The following RRAS2 variants were observed in gnomAD, a reference collection of about 807,000 sequenced individuals.
RRAS2 encodes RAS related 2, also known as ras-related protein R-Ras2.
A neutral mutation model predicts 27.6 loss-of-function variants in RRAS2; 7 were observed. The observed-to-expected ratio is 0.25, with a 90% CI of 0.14 to 0.48. The LOEUF (loss-of-function observed/expected upper bound fraction) is 0.48. RRAS2 is among the 20% of genes least tolerant of loss of function. RRAS2 has a pLI of 0.99. For synonymous variants in RRAS2, 86 were observed against 90.9 expected (o/e 0.95, Z 0.31); for missense variants, 178 against 256.2 (o/e 0.69, Z 2.08).
chr11:14,318,936 A>G (rs1158916387), intron 1 of RRAS2, among the ~76,000 whole-genome samples: 2 of 152,220 alleles, frequency 1.3e-5, no homozygotes, highest in Admixed American at 6.5e-5. Flanking sequence ...TCAGGCACTA[A>G]GTGCTTTACC....
intron 1 of RRAS2, among the ~76,000 whole-genome samples, chr11:14,314,988 C>T (rs1848064271): frequency 6.6e-6 from 1 of 152,158 alleles, no homozygotes; most frequent in Non-Finnish European, 1.5e-5. Flanking sequence ...CAGCCAAATG[C>T]AAGCACATGT....
At chr11:14,319,155 G>GTAT (rs1848172607) in intron 1 of RRAS2, among the ~76,000 whole-genome samples, 1 of 152,078 alleles carries the variant, frequency 6.6e-6, no homozygotes, top group East Asian at 1.9e-4. Flanking sequence ...AAAAATAAAT[G>GTAT]TATTGCCCCT....
rs577761859 is a variant in RRAS2, at chr11:14,343,782, C to A, written c.108+14981G>T. Among the ~76,000 whole-genome samples, 192 of 151,768 alleles carry A rather than the reference C, an allele frequency of 1.3e-3. 1 individual carries two copies. The highest frequency in any genetic ancestry group is 4.4e-3 in the African/African-American group (183 of 41,356). On this transcript the variant is annotated intron_variant, in intron 1 of 5. Transcript: ENST00000256196. ...CCGGCAGAAGGAGGTAGCAGTGAGC[C>A]GAGATCGCGCCAATGCACTCCAGCC...
intron 1 of RRAS2, among the ~76,000 whole-genome samples, chr11:14,355,937 A>G (rs1849064204): frequency 6.6e-6 from 1 of 152,202 alleles, no homozygotes; most frequent in Admixed American, 6.5e-5. Context: ...ATTAAGTGTA[A>G]ATATAAAAAA....
rs1010106364 is a variant in RRAS2, at chr11:14,324,504, T to C, written c.109-28649A>G. Among the ~76,000 whole-genome samples, 3 of 152,060 alleles carry C rather than the reference T, an allele frequency of 2.0e-5. No homozygotes were observed. The South Asian group carries it at 6.2e-4, about 32-fold the overall frequency. ...ATGGATAGAATTGTCAAGGTATCAG[T>C]GCTCCCTTAACTGACCCAATTTAAA... On this transcript the variant is annotated intron_variant, in intron 1 of 5. Transcript: ENST00000256196.
intron 1 of RRAS2, among the ~76,000 whole-genome samples, chr11:14,300,500 A>G (rs1008601907): frequency 6.6e-6 from 1 of 152,062 alleles, no homozygotes; most frequent in Non-Finnish European, 1.5e-5. Context: ...GGATTGCTTG[A>G]GCCCAGAAAG....
rs886716873 is a variant in RRAS2, at chr11:14,352,801, A to C, written c.108+5962T>G. On this transcript the variant is annotated intron_variant, in intron 1 of 5. Coordinates refer to ENST00000256196, the MANE Select transcript of RRAS2 (RefSeq NM_012250.6). ...GAGAGGGAGAGAGAGAGAGAGAGAC[A>C]TTTTTTTTTTTTGAGATATAGTCTT... Among the ~76,000 whole-genome samples, 12 of 143,404 alleles carry C rather than the reference A, an allele frequency of 8.4e-5. No individual in the cohort carries two copies. In the Admixed American group the frequency reaches 8.4e-4, roughly 10 times the overall value. The allele number at this position is 143,404 out of a possible 152,430, so 94.1% of individuals were successfully genotyped here.
intron 1 of RRAS2, among the ~76,000 whole-genome samples, chr11:14,334,265 C>T (rs934563646): frequency 3.9e-5 from 6 of 151,968 alleles, no homozygotes; most frequent in South Asian, 2.1e-4. Flanking sequence ...ATTTAAAAAT[C>T]GTTTATTGTT....
At chr11:14,333,693 G>A (rs1426624208) in intron 1 of RRAS2, among the ~76,000 whole-genome samples, 1 of 145,836 alleles carries the variant, frequency 6.9e-6, no homozygotes, top group African/African-American at 2.5e-5. Context: ...CCAGGCTGGA[G>A]TGCAGTGGCA....
At chr11:14,314,241 T>C (rs1055706085) in intron 1 of RRAS2, among the ~76,000 whole-genome samples, 1 of 152,250 alleles carries the variant, frequency 6.6e-6, no homozygotes, top group Non-Finnish European at 1.5e-5. Context: ...TGAGAGTCTA[T>C]GATGGAAATT....
chr11:14,305,869 C>T (rs553770361), intron 1 of RRAS2, among the ~76,000 whole-genome samples: 38 of 152,150 alleles, frequency 2.5e-4, no homozygotes, highest in African/African-American at 8.2e-4. Flanking sequence ...CACAGTGAGA[C>T]CCCCATCTCT....
chr11:14,337,691 T>G (rs1043446237), intron 1 of RRAS2, among the ~76,000 whole-genome samples: 5 of 152,172 alleles, frequency 3.3e-5, no homozygotes, highest in African/African-American at 1.2e-4. Context: ...AAACAGGATA[T>G]GTAGGGTTCA....
chr11:14,363,078 C>T (rs1179458398), upstream of RRAS2, among the ~76,000 whole-genome samples: 2 of 152,210 alleles, frequency 1.3e-5, no homozygotes, highest in Non-Finnish European at 2.9e-5. Context: ...GTATTTCTAA[C>T]TCTTCTTGGA....
At chr11:14,348,598 T>C (rs960966095) in intron 1 of RRAS2, among the ~76,000 whole-genome samples, 13 of 152,224 alleles carry the variant, frequency 8.5e-5, no homozygotes, top group Non-Finnish European at 1.5e-5. Context: ...ACTGCCTTAT[T>C]TATTTCAATG....
At chr11:14,323,321 A>G (rs1848269092) in intron 1 of RRAS2, among the ~76,000 whole-genome samples, 1 of 152,054 alleles carries the variant, frequency 6.6e-6, no homozygotes, top group Non-Finnish European at 1.5e-5. Context: ...GGCCAAGCAT[A>G]GCGGCATGCG....
At chr11:14,334,919 C>T (rs1283442085) in intron 1 of RRAS2, among the ~76,000 whole-genome samples, 3 of 152,146 alleles carry the variant, frequency 2.0e-5, no homozygotes, top group Non-Finnish European at 4.4e-5. Context: ...CCAACCTCTG[C>T]TCTTACCTTC....
intron 1 of RRAS2, among the ~76,000 whole-genome samples, chr11:14,333,481 GAAAAA>G (rs782378210): frequency 2.0e-5 from 3 of 151,642 alleles, no homozygotes; most frequent in African/African-American, 7.3e-5. Context: ...ACACAGAAAA[GAAAAA>G]AACAAAAATA....
At position 14,358,663 on chromosome 11, in the gene RRAS2, G is replaced by A. The variant is rs1461707644; in HGVS notation, c.108+100C>T. Reference sequence around the variant, plus strand: ...CCCTGGCCCCGGCCCGGGCCCGCGAGGCGCCTCTGGGGCGAGGTCGCGGCG... The same window carrying A: ...CCCTGGCCCCGGCCCGGGCCCGCGAAGCGCCTCTGGGGCGAGGTCGCGGCG... On this transcript the variant is annotated intron_variant, in intron 1 of 5. Transcript: ENST00000256196. This position sits in a 1 kb window ranked among gnomAD's most constrained non-coding sequence, Gnocchi z 5.1. The A allele has an allele frequency of 4.0e-6, 4 of 989,998 alleles. No individual in the cohort carries two copies. The African/African-American group carries it at 7.0e-5, about 17-fold the overall frequency. The allele number at this position is 989,998 out of a possible 1,614,324, so 61.3% of individuals were successfully genotyped here.
At chr11:14,316,039 G>A (rs1047907428) in intron 1 of RRAS2, among the ~76,000 whole-genome samples, 2 of 151,368 alleles carry the variant, frequency 1.3e-5, no homozygotes, top group African/African-American at 4.9e-5. Context: ...CAAAAAAAAC[G>A]TAGTTCAGAA....
Sources: allele counts gnomAD v4.1 joint callset (sites outside exome capture counted in the v4.1 genomes callset), GRCh38; gene constraint gnomAD v4.1.1; non-coding constraint Gnocchi (gnomAD v3.1); transcripts MANE v1.5; gene names NCBI Gene and HGNC (gene_info 2026-07-23, HGNC 2026-07-21).